PRKAR1A: variants seen among roughly 807,000 people sequenced by gnomAD.
The protein encoded by PRKAR1A is protein kinase cAMP-dependent type I regulatory subunit alpha, also known as cAMP-dependent protein kinase type I-alpha regulatory subunit.
A neutral mutation model predicts 52.0 loss-of-function variants in PRKAR1A; 3 were observed. The observed-to-expected ratio is 0.06, with a 90% CI of 0.03 to 0.15. PRKAR1A has a LOEUF of 0.15. Among genes scored for constraint, PRKAR1A ranks in the 10% least tolerant of loss-of-function variants. The pLI is 1.00. For synonymous variants in PRKAR1A, 188 were observed against 168.4 expected, an observed-to-expected ratio of 1.12 and a Z score of -0.90; for missense variants, 240 against 477.4, an observed-to-expected ratio of 0.50 and a Z score of 4.63.
chr17:68,425,093 CCCGAG>C, the PRKAR1A span, among the ~76,000 whole-genome samples: 1 of 152,226 alleles, frequency 6.6e-6, no homozygotes, highest in Non-Finnish European at 1.5e-5. Context: ...CTCAGCCAGC[CCCGAG>C]GGCCCTAGCT....
chr17:68,434,986 G>A, the PRKAR1A span, among the ~76,000 whole-genome samples: 1 of 152,102 alleles, frequency 6.6e-6, no homozygotes, highest in Non-Finnish European at 1.5e-5. Context: ...TGGATTGCCT[G>A]AGCTCAGGAA....
rs573857738 is a variant in PRKAR1A at position 68,539,816 on chromosome 17, C to T, written c.973+9815C>T. The T allele has an allele frequency of 4.5e-5, 67 of 1,498,514 alleles. No homozygotes were observed. In the South Asian group the frequency reaches 5.1e-4, roughly 11 times the overall value. The allele number at this position is 1,498,514 out of a possible 1,614,324, so 92.8% of individuals were successfully genotyped here. Reference sequence around the variant, plus strand: ...TCATTTGCAGGGCGTCTGTTTCCCCCGAGCAGCTGGCTGCACAGAGCAGCA... The same window carrying T: ...TCATTTGCAGGGCGTCTGTTTCCCCTGAGCAGCTGGCTGCACAGAGCAGCA... On this transcript the variant is annotated intron_variant, in intron 11 of 11. Transcript: ENST00000585981.
Position 68,533,420 on chromosome 17 carries a change from A to G in PRKAR1A, c.*2971A>G. On this transcript the variant is annotated 3_prime_UTR_variant, in exon 11 of 11. Transcript: ENST00000589228. ...AACCTTTAGAGTCACAATAAAATGT[A>G]ACTAAAGAAAATTTCTCTGGGTTGA... The G allele has an allele frequency of 9.5e-7, 1 of 1,057,072 alleles. No individual in the cohort carries two copies. The highest frequency in any genetic ancestry group is 1.1e-6 in the Non-Finnish European group (1 of 873,896). 65.5% of individuals were successfully genotyped at this position (1,057,072 alleles called of 1,614,324 possible). A position where few individuals can be genotyped will look rare whatever the true frequency, so the allele number is the denominator to read the frequency against.
chr17:68,439,700 G>T, the PRKAR1A span, among the ~76,000 whole-genome samples: 1 of 152,314 alleles, frequency 6.6e-6, no homozygotes, highest in Non-Finnish European at 1.5e-5. Context: ...GTTAGAGATA[G>T]GCTGAGGACA....
the PRKAR1A span, among the ~76,000 whole-genome samples, chr17:68,471,870 G>A: frequency 5.3e-5 from 8 of 151,964 alleles, no homozygotes; most frequent in East Asian, 1.4e-3. Context: ...GCGCGATCTC[G>A]GCTCACTGCA....
chr17:68,530,992 T>C lies in PRKAR1A; in HGVS notation c.*543T>C. The C allele has an allele frequency of 9.3e-7, 1 of 1,077,806 alleles. No homozygotes were observed. The allele number at this position is 1,077,806 out of a possible 1,614,324, so 66.8% of individuals were successfully genotyped here. The stretch of plus-strand genomic sequence containing the variant: ...GTTTAAGGGTGGAAAAATGCCCATT[T>C]TTGCTAATTATCAATGGGATATGAT... On this transcript the variant is annotated 3_prime_UTR_variant, in exon 11 of 11. Coordinates refer to ENST00000589228, the MANE Select transcript of PRKAR1A (RefSeq NM_002734.5).
At chr17:68,443,121 TG>T in the PRKAR1A span, among the ~76,000 whole-genome samples, 1 of 152,186 alleles carries the variant, frequency 6.6e-6, no homozygotes, top group Admixed American at 6.5e-5. Context: ...ATTTATTCAT[TG>T]TTTTTTGAGA....
the PRKAR1A span, among the ~76,000 whole-genome samples, chr17:68,500,049 C>G: frequency 6.6e-6 from 1 of 152,166 alleles, no homozygotes; most frequent in Non-Finnish European, 1.5e-5. Context: ...TATTTGCAAA[C>G]AAAGAAACAT....
chr17:68,482,511 G>GA, the PRKAR1A span, among the ~76,000 whole-genome samples: 1 of 152,006 alleles, frequency 6.6e-6, no homozygotes, highest in Admixed American at 6.6e-5. Context: ...TTTTCAAGAG[G>GA]AAAAAAATAA....
chr17:68,549,357 G>GGT (rs2086725510), intron 11 of PRKAR1A, among the ~76,000 whole-genome samples: 1 of 152,100 alleles, frequency 6.6e-6, no homozygotes, highest in African/African-American at 2.4e-5. Context: ...AGCCAGGTGT[G>GGT]GTGGTACACA....
the PRKAR1A span, among the ~76,000 whole-genome samples, chr17:68,478,608 A>ATGTGTG: frequency 0.06 from 9,030 of 151,084 alleles, 303 homozygotes; most frequent in South Asian, 0.13. Context: ...ATTTAGAAAT[A>ATGTGTG]TGTGTGTGTG....
At chr17:68,426,254 G>GGGGGGGGGGGGGGCCCCCCCCC in the PRKAR1A span, 2 of 816,920 alleles carry the variant, frequency 2.4e-6, no homozygotes, top group East Asian at 3.5e-5. Context: ...GGGAGCGGGG[G>GGGGGGGGGGGGGGCCCCCCCCC]CTCAAATAAA....
At chr17:68,444,536 C>T in the PRKAR1A span, 3 of 1,614,168 alleles carry the variant, frequency 1.9e-6, no homozygotes, top group Non-Finnish European at 2.5e-6. Context: ...TCAACAGCTT[C>T]ATGTCTTTAA....
At chr17:68,493,184 C>T in the PRKAR1A span, among the ~76,000 whole-genome samples, 91 of 152,192 alleles carry the variant, frequency 6.0e-4, no homozygotes, top group Non-Finnish European at 1.2e-3. Context: ...CTAATGGATG[C>T]TGGGCTTGAT....
chr17:68,466,096 C>T, the PRKAR1A span, among the ~76,000 whole-genome samples: 7 of 152,102 alleles, frequency 4.6e-5, no homozygotes, highest in African/African-American at 1.4e-4. Flanking sequence ...ATGGGCCTGT[C>T]GTGCAAATGG....
upstream of PRKAR1A, among the ~76,000 whole-genome samples, chr17:68,511,470 G>C (rs1046612544): frequency 1.3e-5 from 2 of 152,150 alleles, no homozygotes; most frequent in African/African-American, 4.8e-5. Context: ...GGACAGCTGC[G>C]ATTTCTTGTT....
chr17:68,447,603 C>G, the PRKAR1A span, among the ~76,000 whole-genome samples: 8 of 152,108 alleles, frequency 5.3e-5, no homozygotes, highest in South Asian at 1.2e-3. Flanking sequence ...ATTGCCCAAG[C>G]TGGACTCAAA....
At position 68,551,098 on chromosome 17, in the gene PRKAR1A, T is replaced by C. The variant is rs765702887; in HGVS notation, c.988T>C (p.Ser330Pro). Reference sequence around the variant, plus strand: ...CTTTTCTGCAGGTCACCTCATCATCTCAAGGAGGAGCATTCCCCTGGGCTA... The same window carrying C: ...CTTTTCTGCAGGTCACCTCATCATCCCAAGGAGGAGCATTCCCCTGGGCTA... The change falls in exon 12 of 12, where the codon TCA becomes CCA. Residue 330 changes from serine to proline, a missense_variant. Transcript: ENST00000585981. 14 of 1,234,202 alleles carry C rather than the reference T, an allele frequency of 1.1e-5. No individual in the cohort carries two copies. In the African/African-American group the frequency reaches 2.2e-4, roughly 19 times the overall value. The allele number at this position is 1,234,202 out of a possible 1,614,324, so 76.5% of individuals were successfully genotyped here.
chr17:68,472,810 G>A, the PRKAR1A span, among the ~76,000 whole-genome samples: 1 of 151,966 alleles, frequency 6.6e-6, no homozygotes, highest in Non-Finnish European at 1.5e-5. Context: ...GCTGGGCGTG[G>A]TGGCATGCCA....
Sources: allele counts gnomAD v4.1 joint callset (sites outside exome capture counted in the v4.1 genomes callset), GRCh38; gene constraint gnomAD v4.1.1; transcripts MANE v1.5; gene names NCBI Gene and HGNC (gene_info 2026-07-23, HGNC 2026-07-21).